FGF14: variants seen among roughly 807,000 people sequenced by gnomAD.
FGF14 encodes the protein fibroblast growth factor 14.
In FGF14, 5 loss-of-function variants were observed where a neutral mutation model predicts 25.5. The ratio of observed to expected loss-of-function variants is 0.20; its 90% CI spans 0.10 to 0.41. The LOEUF is 0.41. Among genes scored for constraint, FGF14 ranks in the 10% least tolerant of loss-of-function variants. The pLI is 1.00. For synonymous variants in FGF14, 138 were observed against 118.3 expected, an observed-to-expected ratio of 1.17 and a Z score of -1.08; for missense variants, 222 against 320.1, an observed-to-expected ratio of 0.69 and a Z score of 2.34.
intron 3 of FGF14, among the ~76,000 whole-genome samples, chr13:101,866,809 C>A (rs1037710417): frequency 6.6e-6 from 1 of 152,144 alleles, no homozygotes; most frequent in African/African-American, 2.4e-5. Context: ...TCCAAGTCCT[C>A]TTTCCAAAGA....
chr13:101,907,355 C>T (rs995683856), intron 1 of FGF14, among the ~76,000 whole-genome samples: 7 of 152,080 alleles, frequency 4.6e-5, no homozygotes, highest in Non-Finnish European at 1.0e-4. Context: ...AATATATCGT[C>T]ACTATAAAAA....
chr13:101,804,047 G>GA lies in FGF14; in HGVS notation c.408+64677dup, dbSNP rs112950879. 3.3e-3 allele frequency among the ~76,000 whole-genome samples: 472 copies of GA among 143,696 alleles called. 1 individual carries two copies. The highest frequency in any genetic ancestry group is 1.0e-2 in the African/African-American group (394 of 39,470). The allele number at this position is 143,696 out of a possible 152,430, so 94.3% of individuals were successfully genotyped here. A position where few individuals can be genotyped will look rare whatever the true frequency, so the allele number is the denominator to read the frequency against. On this transcript the variant is annotated intron_variant, in intron 3 of 4. Transcript: ENST00000376143. ...AACCACAATATTTAAAGATTACTTA[G>GA]AAAAAAAAAAAGCCAGAGAATAAGA...
At chr13:102,081,320 A>G (rs2043611121) in intron 1 of FGF14, among the ~76,000 whole-genome samples, 1 of 152,238 alleles carries the variant, frequency 6.6e-6, no homozygotes, top group Non-Finnish European at 1.5e-5. Flanking sequence ...GTGTTTAAGA[A>G]TGTATCAAAA....
At chr13:101,991,698 A>G (rs1334783312) in intron 1 of FGF14, among the ~76,000 whole-genome samples, 1 of 152,112 alleles carries the variant, frequency 6.6e-6, no homozygotes, top group East Asian at 1.9e-4. Context: ...GCCAGGTCCT[A>G]CAGATGAAGC....
At chr13:101,997,862 GT>G (rs1014506409) in intron 1 of FGF14, among the ~76,000 whole-genome samples, 1 of 152,034 alleles carries the variant, frequency 6.6e-6, no homozygotes, top group African/African-American at 2.4e-5. Flanking sequence ...CTTATCTTTA[GT>G]TTTTAAATTT....
rs977652394 is a variant in FGF14, at chr13:101,713,543, C to A, written c.*9288G>T. On this transcript the variant is annotated 3_prime_UTR_variant, in exon 5 of 5. Coordinates refer to ENST00000376143, the MANE Select transcript of FGF14 (RefSeq NM_004115.4). ...AAAAGAAAGTCCTTTTTATTTGTTTCTTTTTCATTGTAAAGTCTTTCCTGC... is the reference window on the plus strand; with the variant it reads ...AAAAGAAAGTCCTTTTTATTTGTTTATTTTTCATTGTAAAGTCTTTCCTGC... The A allele has an allele frequency of 6.6e-6, 1 of 152,104 alleles. No individual in the cohort carries two copies. Among genetic ancestry groups the A allele is most frequent in the African/African-American group, 2.4e-5 (1 of 41,416 alleles). The allele number at this position is 152,104 out of a possible 1,614,324, so 9.4% of individuals were successfully genotyped here. A position where few individuals can be genotyped will look rare whatever the true frequency, so the allele number is the denominator to read the frequency against.
At position 102,185,242 on chromosome 13, in the gene FGF14, A is replaced by C. The variant is rs1333663067; in HGVS notation, c.208+216229T>G. Among the ~76,000 whole-genome samples the C allele has an allele frequency of 2.6e-5, 4 of 152,200 alleles. No homozygotes were observed. In the East Asian group the frequency reaches 7.7e-4, roughly 29 times the overall value. ...AACATAATCATCATAATAAGAAAAA[A>C]ACAAAAGATAAAAAGGAATTGTTCT... On this transcript the variant is annotated intron_variant, in intron 1 of 4. Transcript: ENST00000376131.
intron 1 of FGF14, among the ~76,000 whole-genome samples, chr13:102,021,032 G>A (rs1010154521): frequency 2.0e-5 from 3 of 152,022 alleles, no homozygotes; most frequent in African/African-American, 7.2e-5. Flanking sequence ...GGTTTTGGAA[G>A]TGCATAGTTT....
intron 3 of FGF14, among the ~76,000 whole-genome samples, chr13:101,740,153 A>C (rs2036449399): frequency 6.6e-6 from 1 of 152,134 alleles, no homozygotes; most frequent in Non-Finnish European, 1.5e-5. Flanking sequence ...GCAATCGGGG[A>C]GCTCAGATTT....
chr13:102,022,534 G>C (rs998144503), intron 1 of FGF14, among the ~76,000 whole-genome samples: 1 of 151,956 alleles, frequency 6.6e-6, no homozygotes, highest in Non-Finnish European at 1.5e-5. Context: ...TTGCTGAATT[G>C]GTATGAAGAT....
chr13:102,298,763 G>A (rs1185693256), intron 1 of FGF14, among the ~76,000 whole-genome samples: 2 of 152,112 alleles, frequency 1.3e-5, no homozygotes, highest in African/African-American at 4.8e-5. Context: ...CATGAAAGCT[G>A]GAGGAAAAAT....
chr13:101,874,289 G>T (rs1043486581), intron 2 of FGF14, among the ~76,000 whole-genome samples: 1 of 151,954 alleles, frequency 6.6e-6, no homozygotes, highest in African/African-American at 2.4e-5. Context: ...TTCTTTTCAT[G>T]GAATGATGTT....
At position 101,722,473 on chromosome 13, in the gene FGF14, G is replaced by T. The variant is rs1444480080; in HGVS notation, c.*358C>A. The T allele has an allele frequency of 2.9e-6, 1 of 341,714 alleles. No homozygotes were observed. Among genetic ancestry groups the T allele is most frequent in the Non-Finnish European group, 5.7e-6 (1 of 176,860 alleles). 21.2% of individuals were successfully genotyped at this position (341,714 alleles called of 1,614,324 possible). A position where few individuals can be genotyped will look rare whatever the true frequency, so the allele number is the denominator to read the frequency against. On this transcript the variant is annotated 3_prime_UTR_variant, in exon 5 of 5. Coordinates refer to ENST00000376143, the MANE Select transcript of FGF14 (RefSeq NM_004115.4). ...TGAACTTAAACACATAGATTTCGCT[G>T]AAACAGGACTCAAAAAGGATTATGG...
chr13:101,951,563 A>G (rs2036170520), intron 1 of FGF14, among the ~76,000 whole-genome samples: 1 of 152,196 alleles, frequency 6.6e-6, no homozygotes, highest in Non-Finnish European at 1.5e-5. Flanking sequence ...TCCCAAGAAA[A>G]TTAATATTCC....
At position 102,151,903 on chromosome 13, in the gene FGF14, C is replaced by CCTAG. The variant is rs761563412; in HGVS notation, c.208+249564_208+249567dup. On this transcript the variant is annotated intron_variant, in intron 1 of 4. Coordinates refer to the FGF14 transcript ENST00000376131. ...TATGTAACTCTATAGCTTGTAATAA[C>CCTAG]CTAGTATTTCATAAATGTTAGCTCA... is the stretch of plus-strand genomic sequence containing the variant. 2.6e-5 allele frequency among the ~76,000 whole-genome samples: 4 copies of CCTAG among 152,110 alleles called. No homozygotes were observed. The South Asian group carries it at 6.2e-4, about 24-fold the overall frequency.
intron 4 of FGF14, among the ~76,000 whole-genome samples, chr13:101,724,008 A>G (rs1033257075): frequency 3.9e-5 from 6 of 152,110 alleles, no homozygotes; most frequent in Non-Finnish European, 7.4e-5. Context: ...GTATCAATGC[A>G]TCACGTGAGT....
intron 1 of FGF14, among the ~76,000 whole-genome samples, chr13:102,206,518 CA>C (rs2049933835): frequency 6.6e-6 from 1 of 151,888 alleles, no homozygotes; most frequent in South Asian, 2.1e-4. Context: ...CTGTCTCCAC[CA>C]AAAAATACAA....
chr13:102,250,023 G>A (rs2052090553), intron 1 of FGF14, among the ~76,000 whole-genome samples: 1 of 152,156 alleles, frequency 6.6e-6, no homozygotes, highest in Non-Finnish European at 1.5e-5. Context: ...TCTTGATCCT[G>A]CCTATGTAAG....
intron 1 of FGF14, among the ~76,000 whole-genome samples, chr13:101,900,016 G>A (rs1021338416): frequency 1.3e-4 from 19 of 151,996 alleles, no homozygotes; most frequent in Non-Finnish European, 1.5e-5. Context: ...ATTTAGTCTA[G>A]AAATTTAGTA....
Sources: gnomAD v4.1 joint callset for allele counts (sites outside exome capture counted in the v4.1 genomes callset) on GRCh38, gnomAD v4.1.1 for gene constraint, MANE v1.5 for transcripts, NCBI Gene and HGNC (gene_info 2026-07-23, HGNC 2026-07-21) for gene names.